Variants in KCNQ1 observed in about 807,000 individuals in gnomAD.
The protein encoded by KCNQ1 is potassium voltage-gated channel subfamily KQT member 1.
A neutral mutation model predicts 72.4 loss-of-function variants in KCNQ1; 49 were observed. The observed-to-expected ratio is 0.68, with a 90% CI of 0.54 to 0.86. The LOEUF is 0.86. Among genes scored for constraint, KCNQ1 ranks in the 40% least tolerant of loss-of-function variants. The pLI is 0.00. For synonymous variants in KCNQ1, 450 were observed against 412.6 expected, an observed-to-expected ratio of 1.09 and a Z score of -1.10; for missense variants, 790 against 945.1, an observed-to-expected ratio of 0.84 and a Z score of 2.15.
chr11:2,667,786 A>G (rs2133864653), intron 11 of KCNQ1: 1 of 398,694 alleles, frequency 2.5e-6, no homozygotes, highest in East Asian at 3.6e-5. Flanking sequence ...CTATCCACCT[A>G]ATTAGGCTCA....
At chr11:2,702,514 A>T (rs530200345) in intron 11 of KCNQ1, among the ~76,000 whole-genome samples, 1 of 152,310 alleles carries the variant, frequency 6.6e-6, no homozygotes, top group East Asian at 1.9e-4. Context: ...AAGTCATGAA[A>T]ATTGAGCTTA....
chr11:2,577,835 A>C (rs1326042038), intron 6 of KCNQ1, among the ~76,000 whole-genome samples: 1 of 151,642 alleles, frequency 6.6e-6, no homozygotes, highest in Non-Finnish European at 1.5e-5. Context: ...CGCTGGCCCC[A>C]CCCTTCTCTG....
chr11:2,630,974 G>C (rs1849343103), intron 10 of KCNQ1: 5 of 398,404 alleles, frequency 1.3e-5, no homozygotes, highest in Non-Finnish European at 2.2e-5. Flanking sequence ...TCCTGCAGAT[G>C]TAAGAACTTT....
rs1850135954 is a variant in KCNQ1, at chr11:2,669,080, A to C, written c.1514+6999A>C. 1 of 398,588 alleles carries C rather than the reference A, an allele frequency of 2.5e-6. No individual in the cohort carries two copies. Among genetic ancestry groups the C allele is most frequent in the African/African-American group, 2.1e-5 (1 of 48,628 alleles). 24.7% of individuals were successfully genotyped at this position (398,588 alleles called of 1,614,324 possible). A position where few individuals can be genotyped will look rare whatever the true frequency, so the allele number is the denominator to read the frequency against. ...CCTCTCCCAACTACCCTGCCGTATCAGTGTCTTTACAATCAGCTCACTGGC... is the reference window on the plus strand; with the variant it reads ...CCTCTCCCAACTACCCTGCCGTATCCGTGTCTTTACAATCAGCTCACTGGC... On this transcript the variant is annotated intron_variant, in intron 11 of 15. Coordinates refer to ENST00000155840, the MANE Select transcript of KCNQ1 (RefSeq NM_000218.3). The surrounding 1 kb of genome is among the most constrained non-coding windows in gnomAD (Gnocchi z 5.6).
chr11:2,588,850 T>C lies in KCNQ1; in HGVS notation c.1389T>C (p.Ser463=). 6.2e-7 allele frequency: 1 copy of C among 1,611,814 alleles called. No homozygotes were observed. The highest frequency in any genetic ancestry group is 8.5e-7 in the Non-Finnish European group (1 of 1,179,806). ...LDHFSVDGYD[S]SVRKSPTLLE... is the part of the protein sequence containing the mutation. The stretch of plus-strand genomic sequence containing the variant: ...ACTTCTCTGTCGACGGCTATGACAG[T>C]TCTGGTGAGAACCCCTCAGGCAGTT... The change falls in exon 10 of 16, where the codon AGT becomes AGC. Residue 463 remains serine, a synonymous_variant. Transcript: ENST00000155840. The surrounding 1 kb of genome is among the most constrained non-coding windows in gnomAD (Gnocchi z 5.6).
At chr11:2,737,691 G>A (rs1391976823) in intron 11 of KCNQ1, among the ~76,000 whole-genome samples, 1 of 152,178 alleles carries the variant, frequency 6.6e-6, no homozygotes, top group East Asian at 1.9e-4. Context: ...CATAAAACAC[G>A]GCTGGTGGGT....
In KCNQ1 at chr11:2,830,397, G is replaced by T. The variant is rs1012180847; in HGVS notation, c.1795-17370G>T. ...AATGATATCTTAGATGATCTCCAAG[G>T]CCCCGGGATCTAAGTCCCTGTTAAG... is the stretch of plus-strand genomic sequence containing the variant. On this transcript the variant is annotated intron_variant, in intron 15 of 15. Coordinates refer to ENST00000155840, the MANE Select transcript of KCNQ1 (RefSeq NM_000218.3). The surrounding 1 kb of genome is among the most constrained non-coding windows in gnomAD (Gnocchi z 7.7). Among the ~76,000 whole-genome samples, 1 of 152,076 alleles carries T rather than the reference G, an allele frequency of 6.6e-6. No homozygotes were observed. The highest frequency in any genetic ancestry group is 1.5e-5 in the Non-Finnish European group (1 of 68,004).
At chr11:2,700,472 C>T (rs1047698745) in intron 11 of KCNQ1, among the ~76,000 whole-genome samples, 5 of 152,266 alleles carry the variant, frequency 3.3e-5, no homozygotes, top group East Asian at 3.9e-4. Context: ...CGCCCGAGAC[C>T]AGCCCCTCCG....
At position 2,495,330 on chromosome 11, in the gene KCNQ1, A is replaced by G. The variant is rs543827950; in HGVS notation, c.387-32598A>G. On this transcript the variant is annotated intron_variant, in intron 1 of 15. Transcript: ENST00000155840. The surrounding 1 kb of genome is among the most constrained non-coding windows in gnomAD (Gnocchi z 4.6). ...TTTTGGAAGGGTTTTTCATGTCTCT[A>G]TCTCCTTCAGTTCTGCTCTGATCTT... Among the ~76,000 whole-genome samples the G allele has an allele frequency of 4.0e-4, 60 of 151,392 alleles. No homozygotes were observed. The highest frequency in any genetic ancestry group is 6.8e-3 in the Middle Eastern group (2 of 294).
rs1243099421 is a variant in KCNQ1, at chr11:2,543,850, A to T, written c.477+15832A>T. Among the ~76,000 whole-genome samples, 1 of 152,170 alleles carries T rather than the reference A, an allele frequency of 6.6e-6. No homozygotes were observed. The highest frequency in any genetic ancestry group is 1.5e-5 in the Non-Finnish European group (1 of 68,024). On this transcript the variant is annotated intron_variant, in intron 2 of 15. Transcript: ENST00000155840. This position sits in a 1 kb window ranked among gnomAD's most constrained non-coding sequence, Gnocchi z 5.6. ...TGACTGGTCCAGTGTCATTTGTTGA[A>T]AAGAGTATCCTTTACCCAGTGAATC...
chr11:2,653,791 G>A lies in KCNQ1; in HGVS notation c.1394-8170G>A. On this transcript the variant is annotated intron_variant, in intron 10 of 15. Coordinates refer to ENST00000155840, the MANE Select transcript of KCNQ1 (RefSeq NM_000218.3). This position sits in a 1 kb window ranked among gnomAD's most constrained non-coding sequence, Gnocchi z 5.3. ...ACAAGCCATCCTTGGACCTGCAGCT[G>A]TACCTCCGATGGCTGAGGCAAGGTC... The A allele has an allele frequency of 2.5e-6, 1 of 398,632 alleles. No individual in the cohort carries two copies. The allele number at this position is 398,632 out of a possible 1,614,324, so 24.7% of individuals were successfully genotyped here. A position where few individuals can be genotyped will look rare whatever the true frequency, so the allele number is the denominator to read the frequency against.
intron 2 of KCNQ1, among the ~76,000 whole-genome samples, chr11:2,530,673 G>A (rs1444788495): frequency 1.3e-5 from 2 of 152,192 alleles, no homozygotes; most frequent in Admixed American, 6.5e-5. Flanking sequence ...GGACTTTCAC[G>A]CATGTTTGGC....
rs1048825924 is a variant in KCNQ1, at chr11:2,445,578, C to T, written c.386+94C>T. ...CCCAGCGCCACCTGCCCCGTCGGAG[C>T]TGCGACCCCGGAGCAGAGGAGGGAA... On this transcript the variant is annotated intron_variant, in intron 1 of 15. Transcript: ENST00000155840. 8 of 1,417,228 alleles carry T rather than the reference C, an allele frequency of 5.6e-6. No individual in the cohort carries two copies. In the African/African-American group the frequency reaches 9.8e-5, roughly 17 times the overall value. The allele number at this position is 1,417,228 out of a possible 1,614,324, so 87.8% of individuals were successfully genotyped here.
At position 2,761,415 on chromosome 11, in the gene KCNQ1, G is replaced by A. The variant is rs186465872; in HGVS notation, c.1515-7429G>A. On this transcript the variant is annotated intron_variant, in intron 11 of 15. Transcript: ENST00000155840. ...GTGTGTCTGCCCACTAAGGTCTCGAGATCTTTATAGGCACGGGATGGGAGC... is the reference window on the plus strand; with the variant it reads ...GTGTGTCTGCCCACTAAGGTCTCGAAATCTTTATAGGCACGGGATGGGAGC... Among the ~76,000 whole-genome samples, 389 of 152,262 alleles carry A rather than the reference G, an allele frequency of 2.6e-3. 2 individuals carry two copies. The highest frequency in any genetic ancestry group is 9.0e-3 in the African/African-American group (375 of 41,534).
chr11:2,496,341 G>A (rs1403010435), intron 1 of KCNQ1, among the ~76,000 whole-genome samples: 1 of 151,968 alleles, frequency 6.6e-6, no homozygotes, highest in African/African-American at 2.4e-5. Flanking sequence ...GCAGGCTGAG[G>A]CAGGAGAATG....
chr11:2,480,559 A>T (rs1846636022), intron 1 of KCNQ1, among the ~76,000 whole-genome samples: 1 of 152,224 alleles, frequency 6.6e-6, no homozygotes, highest in Non-Finnish European at 1.5e-5. Flanking sequence ...ATTATCTCCC[A>T]CTGGGTCCCT....
rs995646919 is a variant in KCNQ1 at position 2,563,215 on chromosome 11, C to T, written c.478-7413C>T. ...AAATCTTCGCTATGTTGGAGATTCGCCGGCTGATAAAAGCAAAACAATAGA... is the reference window on the plus strand; with the variant it reads ...AAATCTTCGCTATGTTGGAGATTCGTCGGCTGATAAAAGCAAAACAATAGA... On this transcript the variant is annotated intron_variant, in intron 2 of 15. Coordinates refer to ENST00000155840, the MANE Select transcript of KCNQ1 (RefSeq NM_000218.3). This position sits in a 1 kb window ranked among gnomAD's most constrained non-coding sequence, Gnocchi z 7.4. 6.6e-6 allele frequency among the ~76,000 whole-genome samples: 1 copy of T among 152,198 alleles called. No homozygotes were observed. Among genetic ancestry groups the T allele is most frequent in the African/African-American group, 2.4e-5 (1 of 41,450 alleles).
chr11:2,472,120 ATG>A (rs1173057643), intron 1 of KCNQ1, among the ~76,000 whole-genome samples: 2 of 137,804 alleles, frequency 1.5e-5, no homozygotes, highest in African/African-American at 5.7e-5. Context: ...GTATAAGTGT[ATG>A]TGCACATGCG....
rs1476346850 is a variant in KCNQ1, at chr11:2,599,115, G to C, written c.1393+10261G>C. Among the ~76,000 whole-genome samples the C allele has an allele frequency of 6.6e-6, 1 of 152,002 alleles. No individual in the cohort carries two copies. Among genetic ancestry groups the C allele is most frequent in the Non-Finnish European group, 1.5e-5 (1 of 68,002 alleles). On this transcript the variant is annotated intron_variant, in intron 10 of 15. Coordinates refer to ENST00000155840, the MANE Select transcript of KCNQ1 (RefSeq NM_000218.3). The surrounding 1 kb of genome is among the most constrained non-coding windows in gnomAD (Gnocchi z 4.7). ...AGAACTTTTTTCTTATGTTTGCTTGGGCTCCCCTCCTCTCTGTTACCTATG... is the reference window on the plus strand; with the variant it reads ...AGAACTTTTTTCTTATGTTTGCTTGCGCTCCCCTCCTCTCTGTTACCTATG...
Sources: allele counts gnomAD v4.1 joint callset (sites outside exome capture counted in the v4.1 genomes callset), GRCh38; gene constraint gnomAD v4.1.1; non-coding constraint Gnocchi (gnomAD v3.1); transcripts MANE v1.5; gene names NCBI Gene and HGNC (gene_info 2026-07-23, HGNC 2026-07-21).